Variants in NELL2 observed in about 807,000 individuals in gnomAD.
NELL2 encodes the protein protein kinase C-binding protein NELL2.
A neutral mutation model predicts 109.6 loss-of-function variants in NELL2; 41 were observed. The ratio of observed to expected loss-of-function variants is 0.37; its 90% CI spans 0.29 to 0.49. NELL2 has a LOEUF of 0.49. NELL2 is among the 20% of genes least tolerant of loss of function. The probability of loss-of-function intolerance (pLI) is 0.98; values close to 1 mark genes in which losing one functional copy is unlikely to be tolerated. For missense variants in NELL2, 900 were observed against 1,008.3 expected (o/e 0.89, Z 1.45); for synonymous variants, 355 against 344.7 (o/e 1.03, Z -0.33).
intron 13 of NELL2, among the ~76,000 whole-genome samples, chr12:44,617,584 T>G (rs985875798): frequency 1.6e-5 from 2 of 127,584 alleles, no homozygotes; most frequent in East Asian, 4.2e-4. Flanking sequence ...CCCAGCTACT[T>G]GGGAGGCTGA....
chr12:44,769,300 T>C (rs1677967495), intron 9 of NELL2, among the ~76,000 whole-genome samples: 1 of 152,174 alleles, frequency 6.6e-6, no homozygotes, highest in Non-Finnish European at 1.5e-5. Flanking sequence ...TACTTACTCT[T>C]ACTTTTTATT....
chr12:44,587,284 A>AAAAAAATATAT, intron 15 of NELL2, among the ~76,000 whole-genome samples: 11 of 72,212 alleles, frequency 1.5e-4, no homozygotes, highest in Non-Finnish European at 2.1e-4. Context: ...AAAAAAAAAA[A>AAAAAAATATAT]ATATATATAT....
At chr12:44,608,131 A>G (rs1945471559) in intron 14 of NELL2, among the ~76,000 whole-genome samples, 1 of 152,104 alleles carries the variant, frequency 6.6e-6, no homozygotes, top group Admixed American at 6.6e-5. Flanking sequence ...TTGGCTCTGT[A>G]AGGCTCAGCA....
intron 3 of NELL2, among the ~76,000 whole-genome samples, chr12:44,788,519 G>A (rs1370437394): frequency 2.0e-5 from 3 of 152,210 alleles, no homozygotes; most frequent in Non-Finnish European, 2.9e-5. Flanking sequence ...GGAGCTCACT[G>A]AGTCTCCAAG....
intron 13 of NELL2, among the ~76,000 whole-genome samples, chr12:44,625,214 A>G (rs1301796667): frequency 6.6e-6 from 1 of 151,712 alleles, no homozygotes; most frequent in Non-Finnish European, 1.5e-5. Flanking sequence ...TTATCATGGT[A>G]TTGAACACCC....
At chr12:44,643,721 C>T (rs537900407) in intron 13 of NELL2, among the ~76,000 whole-genome samples, 2 of 152,226 alleles carry the variant, frequency 1.3e-5, no homozygotes, top group Admixed American at 6.5e-5. Context: ...TTAACCAATG[C>T]CAAGCTTTTC....
At chr12:44,754,044 G>A (rs1344303276) in intron 9 of NELL2, among the ~76,000 whole-genome samples, 1 of 152,098 alleles carries the variant, frequency 6.6e-6, no homozygotes, top group African/African-American at 2.4e-5. Flanking sequence ...CATCCCAAAT[G>A]TATTTAAACA....
chr12:44,787,556 G>A (rs1278308028), intron 3 of NELL2, among the ~76,000 whole-genome samples: 1 of 152,154 alleles, frequency 6.6e-6, no homozygotes, highest in African/African-American at 2.4e-5. Flanking sequence ...CCAATTCAAA[G>A]ACTTTATACA....
At chr12:44,823,943 G>A (rs1219389643) in intron 2 of NELL2, among the ~76,000 whole-genome samples, 1 of 152,138 alleles carries the variant, frequency 6.6e-6, no homozygotes, top group Non-Finnish European at 1.5e-5. Flanking sequence ...ACAGGTGTGA[G>A]GTGATATCTC....
chr12:44,824,423 G>T (rs2136704483), intron 2 of NELL2, among the ~76,000 whole-genome samples: 1 of 152,262 alleles, frequency 6.6e-6, no homozygotes, highest in East Asian at 1.9e-4. Context: ...GTTGATGTCT[G>T]TATATGGTGT....
intron 13 of NELL2, among the ~76,000 whole-genome samples, chr12:44,615,330 T>C (rs899350930): frequency 6.6e-6 from 1 of 152,136 alleles, no homozygotes; most frequent in African/African-American, 2.4e-5. Context: ...GAGGCCCTTA[T>C]AATTTGAATC....
At chr12:44,578,501 G>C (rs1391860118) in intron 15 of NELL2, among the ~76,000 whole-genome samples, 1 of 152,086 alleles carries the variant, frequency 6.6e-6, no homozygotes, top group Non-Finnish European at 1.5e-5. Flanking sequence ...AAAGCAATGA[G>C]AGTACCACAA....
At chr12:44,835,736 T>G (rs1391974759) in intron 2 of NELL2, among the ~76,000 whole-genome samples, 1 of 152,156 alleles carries the variant, frequency 6.6e-6, no homozygotes, top group Admixed American at 6.5e-5. Context: ...GTTTCACTAA[T>G]CCAACAGGGT....
In NELL2 at chr12:44,703,960, T is replaced by C. The variant is rs972990860; in HGVS notation, c.1190-106A>G. 7.6e-6 allele frequency: 7 copies of C among 920,976 alleles called. No individual in the cohort carries two copies. The Admixed American group carries it at 8.7e-5, about 11-fold the overall frequency. 57.1% of individuals were successfully genotyped at this position (920,976 alleles called of 1,614,324 possible). A position where few individuals can be genotyped will look rare whatever the true frequency, so the allele number is the denominator to read the frequency against. ...TTTGAAGCTATGACTCCCTAAATAA[T>C]TTTTTAATTAGTATCTTCATCAACA... On this transcript the variant is annotated intron_variant, in intron 11 of 19. Coordinates refer to ENST00000429094, the MANE Select transcript of NELL2 (RefSeq NM_001145108.2).
At chr12:44,901,456 A>G in intron 1 of NELL2, among the ~76,000 whole-genome samples, 1 of 152,208 alleles carries the variant, frequency 6.6e-6, no homozygotes, top group East Asian at 1.9e-4. Flanking sequence ...TCACTGCTGA[A>G]TTCTACCAGA....
intron 13 of NELL2, among the ~76,000 whole-genome samples, chr12:44,644,909 T>C (rs1460248199): frequency 2.0e-5 from 3 of 151,806 alleles, no homozygotes; most frequent in African/African-American, 4.8e-5. Context: ...AAAAAAAGTT[T>C]GTGACTGTTA....
At chr12:44,752,936 G>A (rs1297114787) in intron 9 of NELL2, among the ~76,000 whole-genome samples, 1 of 152,084 alleles carries the variant, frequency 6.6e-6, no homozygotes, top group Non-Finnish European at 1.5e-5. Context: ...TAAGATTTCA[G>A]GTCCCCAGAA....
chr12:44,542,086 T>C (rs1942597554), intron 15 of NELL2, among the ~76,000 whole-genome samples: 1 of 152,172 alleles, frequency 6.6e-6, no homozygotes, highest in Non-Finnish European at 1.5e-5. Context: ...GGCCATGTAG[T>C]TCCTTAGAAG....
intron 9 of NELL2, among the ~76,000 whole-genome samples, chr12:44,731,032 A>AGTGTTTCTCAAC (rs1408369245): frequency 1.3e-5 from 2 of 152,134 alleles, no homozygotes; most frequent in Non-Finnish European, 2.9e-5. Flanking sequence ...AGAAATGGAT[A>AGTGTTTCTCAAC]AATTTTAGAA....
Sources: gnomAD v4.1 joint callset for allele counts (sites outside exome capture counted in the v4.1 genomes callset) on GRCh38, gnomAD v4.1.1 for gene constraint, MANE v1.5 for transcripts, NCBI Gene and HGNC (gene_info 2026-07-23, HGNC 2026-07-21) for gene names.